SEMA6D: variants seen among roughly 807,000 people sequenced by gnomAD.
SEMA6D encodes the protein semaphorin-6D.
Under a neutral mutation model 106.6 loss-of-function variants are expected in SEMA6D, and 35 were observed. The ratio of observed to expected loss-of-function variants is 0.33; its 90% CI spans 0.25 to 0.44. The LOEUF (loss-of-function observed/expected upper bound fraction) is 0.44, where lower values mean the gene tolerates loss of function less well. Ranked by LOEUF, SEMA6D falls within the 20% of genes least tolerant of loss-of-function variation. SEMA6D has a pLI of 1.00. For synonymous variants in SEMA6D, 499 were observed against 487.7 expected (o/e 1.02, Z -0.31); for missense variants, 1,185 against 1,345.9 (o/e 0.88, Z 1.87).
rs78119976 is a variant in SEMA6D, at chr15:47,276,777, C to T, written c.-239+92359C>T. 1.4e-3 allele frequency among the ~76,000 whole-genome samples: 210 copies of T among 152,182 alleles called. 3 individuals carry two copies. The East Asian group carries it at 0.037, about 27-fold the overall frequency. On this transcript the variant is annotated intron_variant, in intron 1 of 19. Coordinates refer to the SEMA6D transcript ENST00000558014. ...TCAAGGAGTAATTTCAACTTATAAG[C>T]GTTATTCTTTAGTAAATAATTTTGT...
intron 4 of SEMA6D, among the ~76,000 whole-genome samples, chr15:47,702,016 T>A (rs1415782712): frequency 6.6e-6 from 1 of 152,206 alleles, no homozygotes; most frequent in Non-Finnish European, 1.5e-5. Flanking sequence ...ATACTCGACA[T>A]TTTTCTTCTT....
chr15:47,677,670 T>A (rs2078272820), intron 4 of SEMA6D, among the ~76,000 whole-genome samples: 1 of 152,212 alleles, frequency 6.6e-6, no homozygotes, highest in Admixed American at 6.5e-5. Context: ...CGCCAGGATC[T>A]CCTATTGTTA....
intron 2 of SEMA6D, among the ~76,000 whole-genome samples, chr15:47,432,047 G>A (rs1267264776): frequency 6.6e-6 from 1 of 151,990 alleles, no homozygotes; most frequent in Non-Finnish European, 1.5e-5. Flanking sequence ...ATGTTCCAGG[G>A]CATCAAGCAA....
intron 1 of SEMA6D, among the ~76,000 whole-genome samples, chr15:47,348,718 CCACACACACAGAGAG>C (rs2038167886): frequency 2.1e-5 from 1 of 48,010 alleles, no homozygotes; most frequent in African/African-American, 6.0e-5. Context: ...CACACACACA[CCACACACACAGAGAG>C]AGAGAGAGAG....
At chr15:47,361,497 G>A (rs2038804503) in intron 1 of SEMA6D, among the ~76,000 whole-genome samples, 1 of 152,160 alleles carries the variant, frequency 6.6e-6, no homozygotes, top group African/African-American at 2.4e-5. Flanking sequence ...AAAATGGAAA[G>A]GTTGGAGTAG....
chr15:47,275,355 A>G (rs1348860965), intron 1 of SEMA6D, among the ~76,000 whole-genome samples: 1 of 152,154 alleles, frequency 6.6e-6, no homozygotes, highest in Non-Finnish European at 1.5e-5. Flanking sequence ...TACTGCACTC[A>G]CTTTATTGCA....
At chr15:47,472,570 C>T (rs1478675929) in intron 3 of SEMA6D, among the ~76,000 whole-genome samples, 1 of 152,168 alleles carries the variant, frequency 6.6e-6, no homozygotes, top group Non-Finnish European at 1.5e-5. Context: ...CAAATCTTGC[C>T]TCCATCTCTT....
chr15:47,588,089 G>A (rs1024373217), intron 3 of SEMA6D, among the ~76,000 whole-genome samples: 1 of 152,094 alleles, frequency 6.6e-6, no homozygotes, highest in Non-Finnish European at 1.5e-5. Context: ...AGCAGAAAGG[G>A]CCTTTTCTCA....
chr15:47,675,911 G>C (rs542444903), intron 4 of SEMA6D, among the ~76,000 whole-genome samples: 229 of 150,312 alleles, frequency 1.5e-3, no homozygotes, highest in Non-Finnish European at 2.2e-3. Flanking sequence ...GCTGAGTTTT[G>C]CCAGTGGGAG....
intron 2 of SEMA6D, among the ~76,000 whole-genome samples, chr15:47,456,348 G>A (rs1287124411): frequency 6.6e-6 from 1 of 151,886 alleles, no homozygotes; most frequent in African/African-American, 2.4e-5. Flanking sequence ...AAATGTAACA[G>A]TCCTCCAATT....
intron 2 of SEMA6D, among the ~76,000 whole-genome samples, chr15:47,446,626 T>G (rs1441588501): frequency 6.6e-6 from 1 of 152,124 alleles, no homozygotes; most frequent in African/African-American, 2.4e-5. Flanking sequence ...AGTAGTAAAC[T>G]TCACAAATTG....
chr15:47,686,549 AG>A (rs1208111520), intron 4 of SEMA6D, among the ~76,000 whole-genome samples: 1 of 152,212 alleles, frequency 6.6e-6, no homozygotes, highest in African/African-American at 2.4e-5. Flanking sequence ...GATAAACAAA[AG>A]ATAGCACACA....
intron 1 of SEMA6D, among the ~76,000 whole-genome samples, chr15:47,207,950 G>A (rs1192552706): frequency 6.7e-6 from 1 of 150,352 alleles, no homozygotes. Flanking sequence ...ATGGACAGGA[G>A]GGAGTGACTG....
At chr15:47,408,178 C>A (rs1344881295) in intron 1 of SEMA6D, among the ~76,000 whole-genome samples, 2 of 152,120 alleles carry the variant, frequency 1.3e-5, no homozygotes, top group Non-Finnish European at 2.9e-5. Flanking sequence ...CATGTTCTGG[C>A]ATCCTCAGAC....
chr15:47,250,311 T>C (rs183079404), intron 1 of SEMA6D, among the ~76,000 whole-genome samples: 16 of 151,120 alleles, frequency 1.1e-4, no homozygotes, highest in African/African-American at 3.4e-4. Flanking sequence ...CTGGGATGTC[T>C]AAACTTAGAG....
At chr15:47,610,919 A>C (rs763105301) in intron 4 of SEMA6D, among the ~76,000 whole-genome samples, 4 of 152,200 alleles carry the variant, frequency 2.6e-5, no homozygotes, top group Non-Finnish European at 4.4e-5. Flanking sequence ...AGGAATGACT[A>C]TATGTTATAT....
In SEMA6D at chr15:47,281,669, T is replaced by C. The variant is rs1014159526; in HGVS notation, c.-239+97251T>C. Among the ~76,000 whole-genome samples, 4 of 152,004 alleles carry C rather than the reference T, an allele frequency of 2.6e-5. No individual in the cohort carries two copies. In the East Asian group the frequency reaches 7.8e-4, roughly 29 times the overall value. Reference sequence around the variant, plus strand: ...CATGATTTTGCAGCAGCTGGTACTATTTTTTTGATATAATGTCTGTGCATC... The same window carrying C: ...CATGATTTTGCAGCAGCTGGTACTACTTTTTTGATATAATGTCTGTGCATC... On this transcript the variant is annotated intron_variant, in intron 1 of 19. Transcript: ENST00000558014.
chr15:47,543,290 T>C (rs1441571305), intron 3 of SEMA6D, among the ~76,000 whole-genome samples: 1 of 152,074 alleles, frequency 6.6e-6, no homozygotes, highest in Non-Finnish European at 1.5e-5. Flanking sequence ...ATAATCCCCA[T>C]GTGTCAAGGG....
chr15:47,246,863 A>T (rs2033236281), intron 1 of SEMA6D, among the ~76,000 whole-genome samples: 1 of 152,028 alleles, frequency 6.6e-6, no homozygotes, highest in African/African-American at 2.4e-5. Context: ...TCGTGAGGGG[A>T]TTTCCTCGTG....
Sources: gnomAD v4.1 joint callset for allele counts (sites outside exome capture counted in the v4.1 genomes callset) on GRCh38, gnomAD v4.1.1 for gene constraint, MANE v1.5 for transcripts, NCBI Gene and HGNC (gene_info 2026-07-23, HGNC 2026-07-21) for gene names.